GRM5: variants seen among roughly 807,000 people sequenced by gnomAD.
GRM5 encodes the protein glutamate metabotropic receptor 5.
In GRM5, 19 loss-of-function variants were observed where a neutral mutation model predicts 83.1. The ratio of observed to expected loss-of-function variants is 0.23; its 90% CI spans 0.16 to 0.34. The LOEUF (loss-of-function observed/expected upper bound fraction) is 0.34. GRM5 is among the 10% of genes least tolerant of loss of function. GRM5 has a pLI of 1.00. For missense variants in GRM5, 1,160 were observed against 1,588.3 expected (o/e 0.73, Z 4.58); for synonymous variants, 675 against 633.6 (o/e 1.07, Z -0.98).
intron 8 of GRM5, among the ~76,000 whole-genome samples, chr11:88,542,606 A>G (rs78016886): frequency 0.077 from 11,671 of 152,156 alleles, 749 homozygotes; most frequent in African/African-American, 0.17. Context: ...GATATACTTA[A>G]ACATATATTG....
At chr11:88,602,219 A>G (rs1053541690) in intron 5 of GRM5, among the ~76,000 whole-genome samples, 1 of 152,136 alleles carries the variant, frequency 6.6e-6, no homozygotes, top group East Asian at 1.9e-4. Flanking sequence ...TTGCTGCAGA[A>G]ATATTAATGT....
intron 3 of GRM5, among the ~76,000 whole-genome samples, chr11:88,689,651 G>C (rs1399979949): frequency 6.6e-6 from 1 of 152,126 alleles, no homozygotes; most frequent in Non-Finnish European, 1.5e-5. Flanking sequence ...TCCGGATTCA[G>C]CTTTAGCAGA....
chr11:88,811,996 C>T (rs1428050620), intron 3 of GRM5, among the ~76,000 whole-genome samples: 5 of 152,112 alleles, frequency 3.3e-5, no homozygotes, highest in Admixed American at 2.0e-4. Flanking sequence ...TAAACGAGTA[C>T]ACTTTGGGCC....
intron 3 of GRM5, among the ~76,000 whole-genome samples, chr11:88,699,071 T>C (rs531634761): frequency 6.7e-6 from 1 of 148,876 alleles, no homozygotes; most frequent in South Asian, 2.2e-4. Context: ...CAATTCTGCA[T>C]TAGTCTCCCA....
intron 9 of GRM5, 56 bp from the exon 10 acceptor site, chr11:88,509,560 T>A (rs922705067): frequency 1.5e-6 from 2 of 1,349,820 alleles, no homozygotes; most frequent in Non-Finnish European, 2.1e-6. Flanking sequence ...GGGGCTTGGA[T>A]GCCGCTTCCC....
chr11:88,910,843 G>A (rs867077206), intron 2 of GRM5, among the ~76,000 whole-genome samples: 6 of 12,578 alleles, frequency 4.8e-4, no homozygotes, highest in Non-Finnish European at 1.4e-3. Context: ...AATGTAGAAC[G>A]TATTTTTTTT....
intron 3 of GRM5, among the ~76,000 whole-genome samples, chr11:88,719,299 T>TAAG: frequency 6.6e-6 from 1 of 152,170 alleles, no homozygotes. Context: ...CTCCCATTTA[T>TAAG]AAGTGAGAAC....
At position 88,899,216 on chromosome 11, in the gene GRM5, T is replaced by C. The variant is rs531683173; in HGVS notation, c.662-49061A>G. On this transcript the variant is annotated intron_variant, in intron 2 of 9. Coordinates refer to ENST00000305447, the MANE Select transcript of GRM5 (RefSeq NM_001143831.3). ...AATAATTTATTGCTGTCTTAGGTTATTTCATCTTGAGCAACATGAACATTC... is the reference window on the plus strand; with the variant it reads ...AATAATTTATTGCTGTCTTAGGTTACTTCATCTTGAGCAACATGAACATTC... Among the ~76,000 whole-genome samples the C allele has an allele frequency of 1.2e-4, 18 of 152,042 alleles. No homozygotes were observed. The East Asian group carries it at 3.5e-3, about 30-fold the overall frequency.
intron 3 of GRM5, among the ~76,000 whole-genome samples, chr11:88,674,379 C>T (rs1051455829): frequency 2.6e-5 from 4 of 151,920 alleles, no homozygotes; most frequent in African/African-American, 9.7e-5. Context: ...TATCCTATGA[C>T]TCCAATTACC....
intron 4 of GRM5, among the ~76,000 whole-genome samples, chr11:88,631,936 G>C (rs1225478113): frequency 6.6e-5 from 10 of 152,092 alleles, no homozygotes. Flanking sequence ...AGATATATAT[G>C]TATAAAAGGA....
intron 3 of GRM5, among the ~76,000 whole-genome samples, chr11:88,795,666 C>T (rs749936593): frequency 1.3e-5 from 2 of 152,136 alleles, no homozygotes; most frequent in African/African-American, 2.4e-5. Context: ...TATTAGCACT[C>T]TCCATTTTAC....
At chr11:88,678,062 AT>A (rs11413890) in intron 3 of GRM5, among the ~76,000 whole-genome samples, 6 of 146,820 alleles carry the variant, frequency 4.1e-5, no homozygotes, top group African/African-American at 5.0e-5. Context: ...TAATTTCTGA[AT>A]TTTTTTTTTT....
chr11:88,579,892 G>A lies in GRM5; in HGVS notation c.1690+10709C>T, dbSNP rs868535058. Among the ~76,000 whole-genome samples the A allele has an allele frequency of 5.9e-5, 9 of 152,178 alleles. No individual in the cohort carries two copies. The South Asian group carries it at 6.2e-4, about 11-fold the overall frequency. On this transcript the variant is annotated intron_variant, in intron 7 of 9. Coordinates refer to ENST00000305447, the MANE Select transcript of GRM5 (RefSeq NM_001143831.3). ...GGAGAGACTGTAAGTAGGGGCAAGG[G>A]TAGAATCAAGGAGAAAAGTTAGGAG...
At chr11:89,010,527 A>G (rs181107312) in intron 2 of GRM5, among the ~76,000 whole-genome samples, 306 of 152,276 alleles carry the variant, frequency 2.0e-3, no homozygotes, top group African/African-American at 6.7e-3. Context: ...CCTAGAATTC[A>G]TGCAACTGTA....
chr11:88,675,389 G>A (rs1330616001), intron 3 of GRM5, among the ~76,000 whole-genome samples: 1 of 151,890 alleles, frequency 6.6e-6, no homozygotes, highest in Non-Finnish European at 1.5e-5. Flanking sequence ...ATTATAAGAA[G>A]AAAGAGAAAG....
At chr11:88,915,321 C>G (rs1938816) in intron 2 of GRM5, among the ~76,000 whole-genome samples, 2,238 of 152,076 alleles carry the variant, frequency 0.015, 50 homozygotes, top group African/African-American at 0.051. Context: ...AAACAAAATG[C>G]AACCATCTTT....
Position 89,038,882 on chromosome 11 carries a change from G to GA in GRM5, c.661+8329dup, listed in dbSNP as rs939612770. On this transcript the variant is annotated intron_variant, in intron 2 of 9. Coordinates refer to ENST00000305447, the MANE Select transcript of GRM5 (RefSeq NM_001143831.3). ...TGCTCTGCCACTAACTTTAGCTGCA[G>GA]AAAAAAATCACTCTTTACTTGTCCA... Among the ~76,000 whole-genome samples the GA allele has an allele frequency of 5.3e-5, 8 of 152,030 alleles. No homozygotes were observed. The East Asian group carries it at 1.4e-3, about 26-fold the overall frequency.
At chr11:88,711,207 G>C (rs1941272913) in intron 3 of GRM5, among the ~76,000 whole-genome samples, 2 of 152,006 alleles carry the variant, frequency 1.3e-5, no homozygotes, top group South Asian at 4.2e-4. Flanking sequence ...GTTTGTGAAA[G>C]GAACACAGAC....
chr11:88,962,946 A>C (rs1938827837), intron 2 of GRM5, among the ~76,000 whole-genome samples: 2 of 152,150 alleles, frequency 1.3e-5, no homozygotes, highest in Non-Finnish European at 1.5e-5. Flanking sequence ...AAAATTAGCC[A>C]GGCATGGCGG....
Sources: gnomAD v4.1 joint callset for allele counts (sites outside exome capture counted in the v4.1 genomes callset) on GRCh38, gnomAD v4.1.1 for gene constraint, MANE v1.5 for transcripts, NCBI Gene and HGNC (gene_info 2026-07-23, HGNC 2026-07-21) for gene names.